Variants in ANO3 observed in about 807,000 individuals in gnomAD.
The protein encoded by ANO3 is anoctamin-3.
A neutral mutation model predicts 144.8 loss-of-function variants in ANO3; 99 were observed. That is an observed-to-expected ratio of 0.68 (90% confidence interval 0.58 to 0.81). The LOEUF (loss-of-function observed/expected upper bound fraction) is 0.81, where lower values mean the gene tolerates loss of function less well. Ranked by LOEUF, ANO3 falls within the 30% of genes least tolerant of loss-of-function variation. ANO3 has a pLI of 0.00. For synonymous variants in ANO3, 414 were observed against 392.6 expected (o/e 1.05, Z -0.64); for missense variants, 905 against 1,202.2 (o/e 0.75, Z 3.66).
At chr11:26,443,129 A>G (rs1565027811) in intron 2 of ANO3, among the ~76,000 whole-genome samples, 3 of 152,078 alleles carry the variant, frequency 2.0e-5, no homozygotes. Context: ...ATGATTCCAT[A>G]TGGTTGCTTC....
intron 1 of ANO3, among the ~76,000 whole-genome samples, chr11:26,312,058 T>A (rs1467464734): frequency 2.0e-5 from 3 of 152,162 alleles, no homozygotes; most frequent in Non-Finnish European, 4.4e-5. Context: ...GTCCAAGTAT[T>A]CTCACAATTC....
chr11:26,531,140 A>G (rs1205459153), intron 7 of ANO3, 65 bp from the exon 8 acceptor site: 6 of 1,567,176 alleles, frequency 3.8e-6, no homozygotes, highest in Non-Finnish European at 5.2e-6. Context: ...AGTGAATTGT[A>G]GTGGAAGGTA....
rs55765741 is a variant in ANO3, at chr11:26,235,594, CTTTTT to C, written c.154+46277_154+46281del. 9.4e-3 allele frequency among the ~76,000 whole-genome samples: 1,308 copies of C among 139,726 alleles called. 8 individuals carry two copies. Among genetic ancestry groups the C allele is most frequent in the Non-Finnish European group, 0.013 (868 of 64,380 alleles). The allele number at this position is 139,726 out of a possible 152,430, so 91.7% of individuals were successfully genotyped here. On this transcript the variant is annotated intron_variant, in intron 1 of 27. Coordinates refer to the ANO3 transcript ENST00000672621. ...ATTAGCTAAAGTTTAACAATGTATA[CTTTTT>C]TTTTTTTTTTTTGGTCTTTAGGAGT...
intron 3 of ANO3, among the ~76,000 whole-genome samples, chr11:26,449,651 G>C (rs551152305): frequency 6.6e-6 from 1 of 152,012 alleles, no homozygotes; most frequent in African/African-American, 2.4e-5. Context: ...CTGAGGACCT[G>C]ATCTAAATAT....
chr11:26,198,777 C>T (rs1851636795), intron 1 of ANO3, among the ~76,000 whole-genome samples: 1 of 152,138 alleles, frequency 6.6e-6, no homozygotes, highest in Admixed American at 6.5e-5. Context: ...ATTTAAGCTA[C>T]GCCTGAAGCC....
At chr11:26,355,011 C>CT (rs5790571) in intron 1 of ANO3, among the ~76,000 whole-genome samples, 59,524 of 148,134 alleles carry the variant, frequency 0.4, 13,421 homozygotes, top group South Asian at 0.63. Flanking sequence ...AATTGTAACT[C>CT]TTTTTTTTTT....
Position 26,332,202 on chromosome 11 carries a change from C to A in ANO3, c.-74C>A. On this transcript the variant is annotated 5_prime_UTR_variant, in exon 1 of 27. Transcript: ENST00000256737. ...GCTGAGGCTCCGGACCTTGGAGCGT[C>A]TAGAGTCTGGCTACTGTTCCTCCGC... The A allele has an allele frequency of 1.2e-6, 2 of 1,613,658 alleles. No homozygotes were observed. The highest frequency in any genetic ancestry group is 1.7e-6 in the Non-Finnish European group (2 of 1,179,872).
chr11:26,525,225 A>T (rs571765839), intron 6 of ANO3, among the ~76,000 whole-genome samples: 14 of 152,238 alleles, frequency 9.2e-5, no homozygotes, highest in Admixed American at 2.0e-4. Context: ...AATCAGAAGT[A>T]TTTATTACAT....
chr11:26,404,600 C>A (rs944065409), intron 1 of ANO3, among the ~76,000 whole-genome samples: 2 of 151,786 alleles, frequency 1.3e-5, no homozygotes, highest in Non-Finnish European at 2.9e-5. Context: ...GCAGTAATCA[C>A]AGGAGCAGTT....
intron 1 of ANO3, among the ~76,000 whole-genome samples, chr11:26,262,573 T>A (rs1853214393): frequency 6.6e-6 from 1 of 152,156 alleles, no homozygotes; most frequent in Non-Finnish European, 1.5e-5. Context: ...TTCTACTTAA[T>A]GTTTGTGCCT....
chr11:26,435,475 G>A (rs1467204367), intron 1 of ANO3, among the ~76,000 whole-genome samples: 1 of 152,188 alleles, frequency 6.6e-6, no homozygotes, highest in African/African-American at 2.4e-5. Context: ...CAAGGTTGGG[G>A]AGATTTTCAT....
chr11:26,513,493 A>T (rs1861746979), intron 5 of ANO3, among the ~76,000 whole-genome samples: 1 of 152,166 alleles, frequency 6.6e-6, no homozygotes, highest in African/African-American at 2.4e-5. Flanking sequence ...ACCTGGTAGT[A>T]GGAGACCCAA....
chr11:26,415,060 G>GTGTA (rs1857542552), intron 1 of ANO3, among the ~76,000 whole-genome samples: 1 of 101,512 alleles, frequency 9.9e-6, no homozygotes, highest in Non-Finnish European at 1.9e-5. Flanking sequence ...GTGTGTATGT[G>GTGTA]TGTGTGTGTG....
At chr11:26,316,236 G>A (rs570358878) in intron 1 of ANO3, among the ~76,000 whole-genome samples, 1 of 152,136 alleles carries the variant, frequency 6.6e-6, no homozygotes, top group Non-Finnish European at 1.5e-5. Context: ...GGGTCCAGGG[G>A]TGTCACCGCC....
At chr11:26,527,817 G>C (rs946398412) in intron 7 of ANO3, among the ~76,000 whole-genome samples, 2 of 152,068 alleles carry the variant, frequency 1.3e-5, no homozygotes, top group African/African-American at 4.8e-5. Context: ...TCTTAAAAAT[G>C]ACTCTGCAAG....
Position 26,316,323 on chromosome 11 carries a change from T to C in ANO3, c.-3+6604T>C, listed in dbSNP as rs141564158. Among the ~76,000 whole-genome samples the C allele has an allele frequency of 2.7e-3, 417 of 152,242 alleles. 2 individuals are homozygous for C. The highest frequency in any genetic ancestry group is 9.2e-3 in the African/African-American group (384 of 41,540). ...TTTAGTGAGGGCAGGGGTAGGTTAG[T>C]GAGGGATTTAGGGTCATTTGATTAT... On this transcript the variant is annotated intron_variant, in intron 1 of 26. Transcript: ENST00000525139.
chr11:26,534,657 C>A, intron 9 of ANO3, 95 bp downstream of exon 9: 2 of 775,220 alleles, frequency 2.6e-6, no homozygotes, highest in South Asian at 1.7e-5. Context: ...TGCTTTAATT[C>A]ATTAAATAGA....
chr11:26,289,773 A>T (rs1239391866), intron 1 of ANO3, among the ~76,000 whole-genome samples: 1 of 143,382 alleles, frequency 7.0e-6, no homozygotes, highest in Non-Finnish European at 1.5e-5. Context: ...ATATGTATAC[A>T]TATGTATAAT....
chr11:26,261,949 G>C (rs1380231098), intron 1 of ANO3, among the ~76,000 whole-genome samples: 3 of 152,158 alleles, frequency 2.0e-5, no homozygotes, highest in East Asian at 1.9e-4. Flanking sequence ...GCTGTAAAAG[G>C]CTGGTCAGTG....
Sources: allele counts gnomAD v4.1 joint callset (sites outside exome capture counted in the v4.1 genomes callset), GRCh38; gene constraint gnomAD v4.1.1; transcripts MANE v1.5; gene names NCBI Gene and HGNC (gene_info 2026-07-23, HGNC 2026-07-21).